RNF4: variants seen among roughly 807,000 people sequenced by gnomAD.
RNF4 encodes the protein ring finger protein 4.
RNF4 carries 7 observed loss-of-function variants against 24.3 expected under a neutral mutation model. That is an observed-to-expected ratio of 0.29 (90% CI 0.16 to 0.54). The LOEUF is 0.54. RNF4 is among the 20% of genes least tolerant of loss of function. The pLI is 0.95. For synonymous variants in RNF4, 83 were observed against 84.3 expected (o/e 0.98, Z 0.09); for missense variants, 209 against 248.5 (o/e 0.84, Z 1.07).
At chr4:2,472,176 A>AG in intron 1 of RNF4, among the ~76,000 whole-genome samples, 1 of 152,330 alleles carries the variant, frequency 6.6e-6, no homozygotes, top group East Asian at 1.9e-4. Flanking sequence ...TGAAAATCCT[A>AG]GGGCCCTTAA....
chr4:2,474,843 G>A (rs148831029), intron 1 of RNF4, among the ~76,000 whole-genome samples: 6,842 of 152,226 alleles, frequency 0.045, 500 homozygotes, highest in African/African-American at 0.15. Flanking sequence ...TGGCCAACAT[G>A]GAGAAACCCC....
At chr4:2,475,077 A>G (rs1379976030) in intron 1 of RNF4, among the ~76,000 whole-genome samples, 1 of 152,216 alleles carries the variant, frequency 6.6e-6, no homozygotes, top group Non-Finnish European at 1.5e-5. Flanking sequence ...TTCATTAGCC[A>G]CTGCCCTGAT....
intron 4 of RNF4, among the ~76,000 whole-genome samples, chr4:2,511,274 A>G (rs886907940): frequency 7.2e-6 from 1 of 139,566 alleles, no homozygotes. Flanking sequence ...CCCAGATAGT[A>G]AGGAAGGTCC....
Position 2,514,028 on chromosome 4 carries a change from G to A in RNF4, c.*209G>A, listed in dbSNP as rs1373324892. 3.2e-6 allele frequency: 2 copies of A among 626,932 alleles called. No homozygotes were observed. The highest frequency in any genetic ancestry group is 2.8e-5 in the East Asian group (1 of 35,442). 38.8% of individuals were successfully genotyped at this position (626,932 alleles called of 1,614,324 possible). ...CCCAGGGCCCTCCCAGGCCATCTCT[G>A]TTCCTCTGGGGTGGTCCAGTTCTAG... On this transcript the variant is annotated 3_prime_UTR_variant, in exon 8 of 8. Coordinates refer to ENST00000314289, the MANE Select transcript of RNF4 (RefSeq NM_002938.5).
chr4:2,486,482 C>G (rs1342608173), intron 1 of RNF4, among the ~76,000 whole-genome samples: 1 of 152,178 alleles, frequency 6.6e-6, no homozygotes, highest in East Asian at 1.9e-4. Flanking sequence ...TTCCAAATTC[C>G]TTTGAACTCT....
intron 3 of RNF4, among the ~76,000 whole-genome samples, chr4:2,500,156 CAAAAAAAAAA>C (rs5855735): frequency 1.0e-4 from 8 of 77,210 alleles, no homozygotes; most frequent in Non-Finnish European, 1.1e-4. Context: ...GACTCTGTCT[CAAAAAAAAAA>C]AAAAAAAAAA....
intron 1 of RNF4, among the ~76,000 whole-genome samples, chr4:2,482,985 G>C (rs1286548633): frequency 2.0e-5 from 3 of 152,166 alleles, no homozygotes; most frequent in African/African-American, 7.2e-5. Flanking sequence ...CGGAAACATT[G>C]GTTCCAGTTC....
intron 2 of RNF4, among the ~76,000 whole-genome samples, chr4:2,491,926 C>G (rs1410868007): frequency 6.6e-6 from 1 of 150,840 alleles, no homozygotes; most frequent in Non-Finnish European, 1.5e-5. Context: ...TGGCCAGGTG[C>G]GGTGGCTTAT....
At chr4:2,482,401 T>C (rs1355065285) in intron 1 of RNF4, among the ~76,000 whole-genome samples, 1 of 152,238 alleles carries the variant, frequency 6.6e-6, no homozygotes, top group Admixed American at 6.5e-5. Flanking sequence ...CCTCCTGTGC[T>C]GACTGTGGGC....
chr4:2,492,985 G>C (rs1386408792), intron 2 of RNF4, among the ~76,000 whole-genome samples: 1 of 152,192 alleles, frequency 6.6e-6, no homozygotes, highest in Non-Finnish European at 1.5e-5. Context: ...AGGATGGTCA[G>C]TTTTCACCAA....
intron 2 of RNF4, among the ~76,000 whole-genome samples, chr4:2,495,789 C>T (rs1479189668): frequency 1.3e-5 from 2 of 152,166 alleles, no homozygotes; most frequent in Non-Finnish European, 2.9e-5. Context: ...TGTGCCACCA[C>T]GCCCAGCTAA....
chr4:2,469,889 G>GCACCGCTCGGGCCCTT (rs1468801629), intron 1 of RNF4: 1 of 152,452 alleles, frequency 6.6e-6, no homozygotes, highest in Admixed American at 6.5e-5. Context: ...GCCCAGCCCT[G>GCACCGCTCGGGCCCTT]CACCGCTCGG....
intron 4 of RNF4, 42 bp downstream of exon 4, chr4:2,500,780 G>A: frequency 6.9e-6 from 11 of 1,594,206 alleles, no homozygotes; most frequent in Non-Finnish European, 9.4e-6. Context: ...CTTGGGTATG[G>A]GTCCCTGGCC....
At chr4:2,484,024 A>G (rs1290419793) in intron 1 of RNF4, among the ~76,000 whole-genome samples, 1 of 105,562 alleles carries the variant, frequency 9.5e-6, no homozygotes, top group African/African-American at 3.9e-5. Context: ...GGTGGGTTTC[A>G]CCATATTGTT....
chr4:2,501,562 C>T (rs192438564), intron 4 of RNF4, among the ~76,000 whole-genome samples: 71 of 152,342 alleles, frequency 4.7e-4, no homozygotes, highest in African/African-American at 1.5e-3. Context: ...TCTGATAGAC[C>T]TGTTTCATGG....
intron 1 of RNF4, among the ~76,000 whole-genome samples, chr4:2,487,804 T>C (rs559512735): frequency 6.6e-6 from 1 of 152,050 alleles, no homozygotes; most frequent in African/African-American, 2.4e-5. Flanking sequence ...TTTATTAGAG[T>C]GAAACAGTGA....
rs529151980 is a variant in RNF4 at position 2,502,423 on chromosome 4, C to T, written c.204+1685C>T. ...GTCTCAGGCTGGGCGCGGTGGCTCA[C>T]GCCTGTAATCTCAGCACTTTGGGAG... On this transcript the variant is annotated intron_variant, in intron 4 of 7. Transcript: ENST00000314289. Among the ~76,000 whole-genome samples, 10 of 152,188 alleles carry T rather than the reference C, an allele frequency of 6.6e-5. No homozygotes were observed. In the East Asian group the frequency reaches 9.7e-4, roughly 15 times the overall value.
At chr4:2,508,889 G>A (rs911040844) in intron 4 of RNF4, among the ~76,000 whole-genome samples, 1 of 142,264 alleles carries the variant, frequency 7.0e-6, no homozygotes, top group African/African-American at 2.6e-5. Context: ...TGGGATTACA[G>A]GCATGATCCA....
chr4:2,483,532 G>A (rs914716083), intron 1 of RNF4, among the ~76,000 whole-genome samples: 7 of 152,140 alleles, frequency 4.6e-5, no homozygotes, highest in Admixed American at 2.0e-4. Context: ...GAACAGGTGC[G>A]GTGGCTCACA....
Sources: gnomAD v4.1 joint callset for allele counts (sites outside exome capture counted in the v4.1 genomes callset) on GRCh38, gnomAD v4.1.1 for gene constraint, MANE v1.5 for transcripts, NCBI Gene and HGNC (gene_info 2026-07-23, HGNC 2026-07-21) for gene names.